PRKG1: variants seen among roughly 807,000 people sequenced by gnomAD.
The protein encoded by PRKG1 is cGMP-dependent protein kinase 1.
In PRKG1, 35 loss-of-function variants were observed where a neutral mutation model predicts 88.1. The observed-to-expected ratio is 0.40, with a 90% CI of 0.30 to 0.53. PRKG1 has a LOEUF of 0.53. Ranked by LOEUF, PRKG1 falls within the 20% of genes least tolerant of loss-of-function variation. PRKG1 has a pLI of 0.59. For missense variants in PRKG1, 540 were observed against 839.8 expected (o/e 0.64, Z 4.41); for synonymous variants, 303 against 292.5 (o/e 1.04, Z -0.37).
intron 3 of PRKG1, among the ~76,000 whole-genome samples, chr10:51,502,158 G>A (rs893953536): frequency 5.3e-5 from 8 of 152,170 alleles, no homozygotes; most frequent in African/African-American, 1.7e-4. Flanking sequence ...CAGGCCTGAG[G>A]TCATTCCAAA....
intron 3 of PRKG1, among the ~76,000 whole-genome samples, chr10:51,618,071 T>A (rs1284132241): frequency 6.6e-6 from 1 of 152,226 alleles, no homozygotes; most frequent in East Asian, 1.9e-4. Context: ...TTTTTCATTG[T>A]GTTTTGTTTT....
At chr10:51,338,639 T>C (rs1322727380) in intron 2 of PRKG1, among the ~76,000 whole-genome samples, 1 of 152,178 alleles carries the variant, frequency 6.6e-6, no homozygotes, top group East Asian at 1.9e-4. Context: ...GCGCTGCCAT[T>C]AACTGGGTAG....
chr10:52,087,500 G>C (rs1163657946), intron 7 of PRKG1, among the ~76,000 whole-genome samples: 1 of 151,858 alleles, frequency 6.6e-6, no homozygotes, highest in Non-Finnish European at 1.5e-5. Flanking sequence ...GCACAAATTT[G>C]TTTTGATTTT....
At chr10:51,569,874 C>A (rs75091303) in intron 3 of PRKG1, among the ~76,000 whole-genome samples, 10,336 of 151,612 alleles carry the variant, frequency 0.068, 1,154 homozygotes, top group African/African-American at 0.23. Context: ...GCATGGTAGG[C>A]CGGTTTTACC....
At chr10:51,735,399 G>C (rs1837238852) in intron 3 of PRKG1, among the ~76,000 whole-genome samples, 1 of 152,080 alleles carries the variant, frequency 6.6e-6, no homozygotes, top group South Asian at 2.1e-4. Context: ...ATGCCAATTA[G>C]TTTTGCCTTT....
At chr10:52,195,007 A>C (rs1025453965) in intron 9 of PRKG1, among the ~76,000 whole-genome samples, 2 of 152,182 alleles carry the variant, frequency 1.3e-5, no homozygotes, top group African/African-American at 4.8e-5. Flanking sequence ...CTGAGAAAGT[A>C]CCAGTTTAAC....
intron 8 of PRKG1, among the ~76,000 whole-genome samples, chr10:52,134,568 T>G (rs1837354054): frequency 6.6e-6 from 1 of 152,188 alleles, no homozygotes; most frequent in Admixed American, 6.5e-5. Flanking sequence ...AAAATGCATA[T>G]GTACTTTCTG....
intron 1 of PRKG1, among the ~76,000 whole-genome samples, chr10:51,089,542 A>G (rs144528640): frequency 1.8e-4 from 27 of 152,300 alleles, no homozygotes; most frequent in African/African-American, 5.5e-4. Flanking sequence ...ATTTGCTTGT[A>G]TATTGTCTCT....
At chr10:52,245,653 A>G (rs1841003516) in intron 9 of PRKG1, among the ~76,000 whole-genome samples, 1 of 152,286 alleles carries the variant, frequency 6.6e-6, no homozygotes, top group African/African-American at 2.4e-5. Flanking sequence ...TGATCGATCT[A>G]AACTCAAGAG....
At chr10:52,108,290 C>T (rs577521960) in intron 7 of PRKG1, among the ~76,000 whole-genome samples, 1 of 152,322 alleles carries the variant, frequency 6.6e-6, no homozygotes, top group East Asian at 1.9e-4. Flanking sequence ...AAGGATGTCA[C>T]AGGTATGCCA....
At chr10:51,776,093 G>A (rs898420820) in intron 3 of PRKG1, among the ~76,000 whole-genome samples, 3 of 152,110 alleles carry the variant, frequency 2.0e-5, no homozygotes, top group African/African-American at 7.2e-5. Context: ...ACCTATTTCA[G>A]TGGGTTGTGA....
chr10:51,441,457 C>G (rs1839101296), intron 2 of PRKG1, among the ~76,000 whole-genome samples: 1 of 151,934 alleles, frequency 6.6e-6, no homozygotes, highest in Non-Finnish European at 1.5e-5. Context: ...ACATTCCTCC[C>G]CTAGCATCAA....
At chr10:51,537,182 G>A (rs2132104972) in intron 3 of PRKG1, among the ~76,000 whole-genome samples, 1 of 152,170 alleles carries the variant, frequency 6.6e-6, no homozygotes, top group East Asian at 1.9e-4. Flanking sequence ...TTTTTAATGT[G>A]CTGAAATAAG....
Position 52,248,911 on chromosome 10 carries a change from TTTCC to T in PRKG1, c.1077-2656_1077-2653del, listed in dbSNP as rs1841095065. Among the ~76,000 whole-genome samples, 3 of 151,846 alleles carry T rather than the reference TTTCC, an allele frequency of 2.0e-5. No individual in the cohort carries two copies. The South Asian group carries it at 6.3e-4, about 32-fold the overall frequency. On this transcript the variant is annotated intron_variant, in intron 9 of 17. Transcript: ENST00000373980. Reference sequence around the variant, plus strand: ...TTTCCTTCCTTTCCTTTCTCTTTTCTTTCCTTTCTTTTCTTTTCCTTCTTTTCCT... The same window carrying T: ...TTTCCTTCCTTTCCTTTCTCTTTTCTTTTCTTTTCTTTTCCTTCTTTTCCT...
chr10:51,726,297 G>GT (rs1317568294), intron 3 of PRKG1, among the ~76,000 whole-genome samples: 5 of 152,168 alleles, frequency 3.3e-5, no homozygotes, highest in Admixed American at 3.3e-4. Context: ...CTTTTAGAGA[G>GT]TTCTAATTCA....
At chr10:51,516,303 G>A (rs1462977136) in intron 3 of PRKG1, among the ~76,000 whole-genome samples, 1 of 152,136 alleles carries the variant, frequency 6.6e-6, no homozygotes, top group Admixed American at 6.5e-5. Flanking sequence ...TGCTGTCTCC[G>A]AAGTCAAGTT....
intron 3 of PRKG1, among the ~76,000 whole-genome samples, chr10:51,564,687 A>G (rs1837555685): frequency 6.6e-6 from 1 of 152,138 alleles, no homozygotes; most frequent in Admixed American, 6.6e-5. Context: ...CTTTACGCAC[A>G]GGTAATAGGA....
chr10:51,610,133 G>A (rs1789733878), intron 3 of PRKG1, among the ~76,000 whole-genome samples: 1 of 151,970 alleles, frequency 6.6e-6, no homozygotes, highest in Non-Finnish European at 1.5e-5. Flanking sequence ...GTATGTTTTG[G>A]GTATATTGCA....
chr10:51,773,507 G>A (rs1838358075), intron 3 of PRKG1, among the ~76,000 whole-genome samples: 1 of 151,942 alleles, frequency 6.6e-6, no homozygotes, highest in African/African-American at 2.4e-5. Context: ...CTGTGTACCA[G>A]GCTCATGATG....
Sources: gnomAD v4.1 joint callset for allele counts (sites outside exome capture counted in the v4.1 genomes callset) on GRCh38, gnomAD v4.1.1 for gene constraint, MANE v1.5 for transcripts, NCBI Gene and HGNC (gene_info 2026-07-23, HGNC 2026-07-21) for gene names.